ARHGAP15: variants seen among roughly 807,000 people sequenced by gnomAD.
The protein encoded by ARHGAP15 is Rho GTPase activating protein 15.
ARHGAP15 carries 51 observed loss-of-function variants against 63.7 expected under a neutral mutation model. That is an observed-to-expected ratio of 0.80 (90% CI 0.64 to 1.01). ARHGAP15 has a LOEUF of 1.01. Among genes scored for constraint, ARHGAP15 ranks in the 50% least tolerant of loss-of-function variants. The pLI, the probability that ARHGAP15 is intolerant of heterozygous loss-of-function variation, is 0.00. For synonymous variants in ARHGAP15, 191 were observed against 193.8 expected (o/e 0.99, Z 0.12); for missense variants, 560 against 564.6 (o/e 0.99, Z 0.08).
At chr2:143,660,517 G>A (rs1574791641) in intron 12 of ARHGAP15, among the ~76,000 whole-genome samples, 1 of 152,184 alleles carries the variant, frequency 6.6e-6, no homozygotes, top group Admixed American at 6.5e-5. Flanking sequence ...TTTTAAAATC[G>A]TAAGAATAAG....
chr2:143,214,314 A>C (rs1421889609), intron 3 of ARHGAP15, among the ~76,000 whole-genome samples: 1 of 152,198 alleles, frequency 6.6e-6, no homozygotes, highest in Non-Finnish European at 1.5e-5. Context: ...TTACACAACA[A>C]AATTTCTCAG....
chr2:143,209,402 T>A (rs902775317), intron 3 of ARHGAP15, among the ~76,000 whole-genome samples: 1 of 152,118 alleles, frequency 6.6e-6, no homozygotes, highest in African/African-American at 2.4e-5. Flanking sequence ...ATTCAAGTAT[T>A]TGTTGAGGCC....
chr2:143,201,224 T>C (rs1378808487), intron 2 of ARHGAP15, among the ~76,000 whole-genome samples: 1 of 151,776 alleles, frequency 6.6e-6, no homozygotes, highest in Non-Finnish European at 1.5e-5. Flanking sequence ...TTCTCCCACT[T>C]GAGCCTCTGG....
Position 143,458,517 on chromosome 2 carries a change from C to T in ARHGAP15, c.703+21475C>T, listed in dbSNP as rs146759732. On this transcript the variant is annotated intron_variant, in intron 8 of 13. Coordinates refer to ENST00000295095, the MANE Select transcript of ARHGAP15 (RefSeq NM_018460.4). ...CCATTTAAAGGGAAGGAGATTCCTG[C>T]TGAAGGGCCGGTGATCATGGGCCAG... Among the ~76,000 whole-genome samples the T allele has an allele frequency of 2.1e-3, 323 of 152,236 alleles. 2 individuals are homozygous for T. Among genetic ancestry groups the T allele is most frequent in the African/African-American group, 7.1e-3 (294 of 41,566 alleles).
At chr2:143,208,195 T>C (rs192941653) in intron 3 of ARHGAP15, among the ~76,000 whole-genome samples, 2 of 152,302 alleles carry the variant, frequency 1.3e-5, no homozygotes, top group African/African-American at 4.8e-5. Context: ...GATATATAAA[T>C]CTCAATTCCT....
At chr2:143,717,562 T>G (rs1444827365) in intron 13 of ARHGAP15, among the ~76,000 whole-genome samples, 1 of 152,244 alleles carries the variant, frequency 6.6e-6, no homozygotes, top group Non-Finnish European at 1.5e-5. Context: ...ATAATATTTC[T>G]TAGCCACTTC....
At position 143,654,033 on chromosome 2, in the gene ARHGAP15, CAAAA is replaced by C. The variant is rs1360879335; in HGVS notation, c.1138+29770_1138+29773del. On this transcript the variant is annotated intron_variant, in intron 12 of 13. Transcript: ENST00000295095. The stretch of plus-strand genomic sequence containing the variant: ...TATTTAGAGAATGCAAGGGGGTAGA[CAAAA>C]AAAGACTGGGGCTAGGGAGTCAGTG... Among the ~76,000 whole-genome samples, 5 of 151,596 alleles carry C rather than the reference CAAAA, an allele frequency of 3.3e-5. No individual in the cohort carries two copies. In the South Asian group the frequency reaches 1.0e-3, roughly 31 times the overall value.
chr2:143,648,483 T>G lies in ARHGAP15; in HGVS notation c.1138+24216T>G, dbSNP rs144577415. Reference sequence around the variant, plus strand: ...TTTGTTCCTCTTCTCATTCGTGAACTCAAGAGAATAAACTTGGATCTACAT... The same window carrying G: ...TTTGTTCCTCTTCTCATTCGTGAACGCAAGAGAATAAACTTGGATCTACAT... On this transcript the variant is annotated intron_variant, in intron 12 of 13. Transcript: ENST00000295095. Among the ~76,000 whole-genome samples, 17 of 152,120 alleles carry G rather than the reference T, an allele frequency of 1.1e-4. No homozygotes were observed. The East Asian group carries it at 3.3e-3, about 30-fold the overall frequency.
intron 5 of ARHGAP15, chr2:143,235,824 T>G (rs566097673): frequency 8.3e-7 from 1 of 1,200,926 alleles, no homozygotes; most frequent in African/African-American, 1.6e-5. Context: ...AGGCCTTGAC[T>G]CACACTCCTT....
intron 8 of ARHGAP15, among the ~76,000 whole-genome samples, chr2:143,461,773 T>C (rs1446001509): frequency 2.6e-5 from 4 of 152,190 alleles, no homozygotes. Context: ...TCTGCAGTTG[T>C]CTGTAAATAG....
At chr2:143,289,122 T>G (rs930397135) in intron 6 of ARHGAP15, among the ~76,000 whole-genome samples, 1 of 152,036 alleles carries the variant, frequency 6.6e-6, no homozygotes, top group African/African-American at 2.4e-5. Context: ...AAGAGCATTT[T>G]TATATGTTTT....
chr2:143,508,021 T>C (rs1454657234), intron 9 of ARHGAP15, among the ~76,000 whole-genome samples: 1 of 126,926 alleles, frequency 7.9e-6, no homozygotes, highest in Non-Finnish European at 1.9e-5. Flanking sequence ...ATGTAAATCA[T>C]ATCATGTCAC....
At chr2:143,189,357 G>C (rs1319265780) in intron 2 of ARHGAP15, among the ~76,000 whole-genome samples, 1 of 152,070 alleles carries the variant, frequency 6.6e-6, no homozygotes, top group Non-Finnish European at 1.5e-5. Context: ...TTCAGTCAGA[G>C]GCTCATATCG....
chr2:143,279,845 G>A (rs1389967723), intron 6 of ARHGAP15, among the ~76,000 whole-genome samples: 2 of 152,130 alleles, frequency 1.3e-5, no homozygotes, highest in African/African-American at 2.4e-5. Context: ...GCTACTTGAT[G>A]TTAACAAGTC....
At chr2:143,220,300 C>T (rs1692936308) in intron 4 of ARHGAP15, among the ~76,000 whole-genome samples, 1 of 152,056 alleles carries the variant, frequency 6.6e-6, no homozygotes, top group Admixed American at 6.6e-5. Flanking sequence ...CTCCTCCACC[C>T]CCATCCATCC....
chr2:143,265,540 T>TA (rs1341003772), intron 6 of ARHGAP15, among the ~76,000 whole-genome samples: 2 of 152,208 alleles, frequency 1.3e-5, no homozygotes, highest in African/African-American at 2.4e-5. Flanking sequence ...CCTTGCACGT[T>TA]AAAAATCATC....
chr2:143,644,740 A>T (rs1489071918), intron 12 of ARHGAP15, among the ~76,000 whole-genome samples: 1 of 152,124 alleles, frequency 6.6e-6, no homozygotes, highest in Non-Finnish European at 1.5e-5. Context: ...GCGTGCAAAA[A>T]AAATCAAGCC....
intron 6 of ARHGAP15, among the ~76,000 whole-genome samples, chr2:143,386,115 TAGAGGGAGGAAACGCA>T (rs1327544632): frequency 6.6e-6 from 1 of 152,084 alleles, no homozygotes; most frequent in Non-Finnish European, 1.5e-5. Context: ...ACATTATCAA[TAGAGGGAGGAAACGCA>T]GATGAATTCC....
intron 11 of ARHGAP15, among the ~76,000 whole-genome samples, chr2:143,598,283 A>T (rs1356074824): frequency 6.6e-6 from 1 of 152,212 alleles, no homozygotes; most frequent in Non-Finnish European, 1.5e-5. Context: ...GGTGTAAAAT[A>T]AAAGTCTAGA....
Sources: gnomAD v4.1 joint callset for allele counts (sites outside exome capture counted in the v4.1 genomes callset) on GRCh38, gnomAD v4.1.1 for gene constraint, MANE v1.5 for transcripts, NCBI Gene and HGNC (gene_info 2026-07-23, HGNC 2026-07-21) for gene names.